DDI2: variants seen among roughly 807,000 people sequenced by gnomAD.
DDI2 encodes protein DDI1 homolog 2.
DDI2 carries 5 observed loss-of-function variants against 48.1 expected under a neutral mutation model. The ratio of observed to expected loss-of-function variants is 0.10; its 90% confidence interval spans 0.05 to 0.22. The LOEUF is 0.22. Ranked by LOEUF, DDI2 falls within the 10% of genes least tolerant of loss-of-function variation. DDI2 has a pLI of 1.00. For missense variants in DDI2, 285 were observed against 506.2 expected, an observed-to-expected ratio of 0.56 and a Z score of 4.19; for synonymous variants, 205 against 183.6, an observed-to-expected ratio of 1.12 and a Z score of -0.94.
rs71631737 is a variant in DDI2, at chr1:15,668,605, G to C, written c.*8815G>C. The C allele has an allele frequency of 6.6e-6, 1 of 152,136 alleles. No individual in the cohort carries two copies. The highest frequency in any genetic ancestry group is 1.9e-4 in the East Asian group (1 of 5,198). 9.4% of individuals were successfully genotyped at this position (152,136 alleles called of 1,614,324 possible). A position where few individuals can be genotyped will look rare whatever the true frequency, so the allele number is the denominator to read the frequency against. On this transcript the variant is annotated 3_prime_UTR_variant, in exon 10 of 10. Coordinates refer to ENST00000480945, the MANE Select transcript of DDI2 (RefSeq NM_032341.5). ...GCAAATCTTAGCAACTAGAAACCCCGTCCTTTCTTTTCCTTCTTTATATGT... is the reference window on the plus strand; with the variant it reads ...GCAAATCTTAGCAACTAGAAACCCCCTCCTTTCTTTTCCTTCTTTATATGT...
chr1:15,661,031 G>T lies in DDI2; in HGVS notation c.*1241G>T, dbSNP rs752355438. 3 of 1,614,092 alleles carry T rather than the reference G, an allele frequency of 1.9e-6. No individual in the cohort carries two copies. In the Admixed American group the frequency reaches 5.0e-5, roughly 27 times the overall value. On this transcript the variant is annotated 3_prime_UTR_variant, in exon 10 of 10. Coordinates refer to ENST00000480945, the MANE Select transcript of DDI2 (RefSeq NM_032341.5). ...TGTCAATCAGAAACCATAGCTGAGG[G>T]CCAAACCAGTATTAAAGACCTTTCT...
intron 1 of DDI2, among the ~76,000 whole-genome samples, chr1:15,619,270 GC>G (rs1025887344): frequency 6.9e-6 from 1 of 145,908 alleles, no homozygotes; most frequent in African/African-American, 2.6e-5. Flanking sequence ...ACGGGCGCGC[GC>G]CACCACGCCT....
rs1485698846 is a variant in DDI2, at chr1:15,663,595, C to A, written c.*3805C>A. ...CACATTGTAGACCCTTTCACCTGCC[C>A]TACACCAAAGATGTACGATGCACTA... On this transcript the variant is annotated 3_prime_UTR_variant, in exon 10 of 10. Coordinates refer to ENST00000480945, the MANE Select transcript of DDI2 (RefSeq NM_032341.5). 2 of 152,154 alleles carry A rather than the reference C, an allele frequency of 1.3e-5. No individual in the cohort carries two copies. The highest frequency in any genetic ancestry group is 2.9e-5 in the Non-Finnish European group (2 of 68,030). 9.4% of individuals were successfully genotyped at this position (152,154 alleles called of 1,614,324 possible).
chr1:15,634,966 C>T (rs1479759248), intron 4 of DDI2, among the ~76,000 whole-genome samples: 2 of 152,146 alleles, frequency 1.3e-5, no homozygotes, highest in African/African-American at 4.8e-5. Context: ...ATCAGAAATA[C>T]AGGCTAGTCC....
intron 8 of DDI2, among the ~76,000 whole-genome samples, chr1:15,655,335 C>T (rs1371540336): frequency 1.3e-5 from 2 of 152,094 alleles, no homozygotes; most frequent in Non-Finnish European, 2.9e-5. Context: ...CAACTTCTTT[C>T]TGGCCAAGCA....
At chr1:15,635,335 A>G (rs1222950133) in intron 4 of DDI2, among the ~76,000 whole-genome samples, 1 of 152,182 alleles carries the variant, frequency 6.6e-6, no homozygotes, top group African/African-American at 2.4e-5. Context: ...GAAGTGAAAT[A>G]GAGAGTGTCC....
In DDI2 at chr1:15,665,920, T is replaced by G. The variant is rs970125516; in HGVS notation, c.*6130T>G. On this transcript the variant is annotated 3_prime_UTR_variant, in exon 10 of 10. Transcript: ENST00000480945. ...GACCAGATTATGCATTCTACTGTTC[T>G]CTAGCACAAGTACTCACCAAAAAGC... The G allele has an allele frequency of 1.3e-5, 2 of 152,110 alleles. No individual in the cohort carries two copies. Among genetic ancestry groups the G allele is most frequent in the African/African-American group, 4.8e-5 (2 of 41,422 alleles). The allele number at this position is 152,110 out of a possible 1,614,324, so 9.4% of individuals were successfully genotyped here.
Position 15,667,286 on chromosome 1 carries a change from G to A in DDI2, c.*7496G>A, listed in dbSNP as rs1640468504. 6.6e-6 allele frequency: 1 copy of A among 152,062 alleles called. No homozygotes were observed. Among genetic ancestry groups the A allele is most frequent in the Admixed American group, 6.6e-5 (1 of 15,254 alleles). The allele number at this position is 152,062 out of a possible 1,614,324, so 9.4% of individuals were successfully genotyped here. ...CATGTATAAATGCCTGAGGAGATCA[G>A]TTATTGAGAAATCCATTTACAATGC... is the stretch of plus-strand genomic sequence containing the variant. On this transcript the variant is annotated 3_prime_UTR_variant, in exon 10 of 10. Coordinates refer to ENST00000480945, the MANE Select transcript of DDI2 (RefSeq NM_032341.5).
At chr1:15,641,955 CAAAAAA>C (rs57716922) in intron 5 of DDI2, among the ~76,000 whole-genome samples, 1 of 79,374 alleles carries the variant, frequency 1.3e-5, no homozygotes, top group Non-Finnish European at 2.7e-5. Flanking sequence ...AATTCAGTCT[CAAAAAA>C]AAAAAAAAAA....
chr1:15,657,837 A>C (rs1557624433), intron 9 of DDI2, among the ~76,000 whole-genome samples: 2 of 152,230 alleles, frequency 1.3e-5, no homozygotes, highest in Middle Eastern at 3.4e-3. Flanking sequence ...GTGTTTCTAG[A>C]CTCTAATGGG....
intron 5 of DDI2, among the ~76,000 whole-genome samples, chr1:15,640,637 A>G (rs1280013746): frequency 1.3e-5 from 2 of 152,230 alleles, no homozygotes; most frequent in Non-Finnish European, 2.9e-5. Context: ...GAGCAGTGAA[A>G]GGGGCCCTTC....
At chr1:15,643,842 T>G (rs751387370) in intron 6 of DDI2, among the ~76,000 whole-genome samples, 192 bp downstream of exon 6, 4 of 152,248 alleles carry the variant, frequency 2.6e-5, no homozygotes. Context: ...GTCAAAGTTA[T>G]GTGTTTCTGC....
chr1:15,652,058 C>CTTTTTTTTTTTTTTTTTTTTTTTT (rs772990709), intron 8 of DDI2, among the ~76,000 whole-genome samples, 163 bp downstream of exon 8: 4 of 75,978 alleles, frequency 5.3e-5, no homozygotes, highest in African/African-American at 2.6e-4. Context: ...TTTGATCTTC[C>CTTTTTTTTTTTTTTTTTTTTTTTT]TTTTTTTTTT....
chr1:15,660,476 A>C lies in DDI2; in HGVS notation c.*686A>C, dbSNP rs1312798508. On this transcript the variant is annotated 3_prime_UTR_variant, in exon 10 of 10. Transcript: ENST00000480945. Reference sequence around the variant, plus strand: ...GACCTTGAGCTTCCTGAAGAAAGGCAACAGAATCAACACAAAATTGTTGAT... The same window carrying C: ...GACCTTGAGCTTCCTGAAGAAAGGCCACAGAATCAACACAAAATTGTTGAT... 2 of 1,614,068 alleles carry C rather than the reference A, an allele frequency of 1.2e-6. No individual in the cohort carries two copies. The highest frequency in any genetic ancestry group is 2.2e-5 in the South Asian group (2 of 91,042).
chr1:15,640,650 A>G (rs1348941645), intron 5 of DDI2, among the ~76,000 whole-genome samples: 1 of 152,220 alleles, frequency 6.6e-6, no homozygotes, highest in Admixed American at 6.5e-5. Context: ...GGCCCTTCTC[A>G]TCCTGGGTTG....
chr1:15,646,163 CG>C (rs1230555738), intron 6 of DDI2, among the ~76,000 whole-genome samples: 1 of 152,182 alleles, frequency 6.6e-6, no homozygotes, highest in Non-Finnish European at 1.5e-5. Flanking sequence ...TAGCAGAGTG[CG>C]GGAGGGACAC....
intron 6 of DDI2, among the ~76,000 whole-genome samples, chr1:15,646,071 A>T (rs1197558462): frequency 6.6e-6 from 1 of 152,068 alleles, no homozygotes; most frequent in Admixed American, 6.6e-5. Flanking sequence ...CTCCATGCTC[A>T]CCTCTGTTAA....
intron 8 of DDI2, among the ~76,000 whole-genome samples, chr1:15,653,125 AT>A: frequency 6.6e-6 from 1 of 152,036 alleles, no homozygotes. Context: ...AGCTTCCTAA[AT>A]TTTTTTAGGA....
intron 4 of DDI2, 127 bp from the exon 5 acceptor site, chr1:15,638,180 T>C (rs925913559): frequency 5.2e-5 from 71 of 1,361,714 alleles, no homozygotes; most frequent in Non-Finnish European, 6.5e-5. Flanking sequence ...CCAATTTTTC[T>C]ATGACTCGGC....
Sources: allele counts gnomAD v4.1 joint callset (sites outside exome capture counted in the v4.1 genomes callset), GRCh38; gene constraint gnomAD v4.1.1; transcripts MANE v1.5; gene names NCBI Gene and HGNC (gene_info 2026-07-23, HGNC 2026-07-21).